Variants in WWP1 observed in about 807,000 individuals in gnomAD.
The protein encoded by WWP1 is WW domain containing E3 ubiquitin protein ligase 1.
Under a neutral mutation model 130.6 loss-of-function variants are expected in WWP1, and 49 were observed. That is an observed-to-expected ratio of 0.38 (90% confidence interval 0.30 to 0.48). The LOEUF (loss-of-function observed/expected upper bound fraction) is 0.48. Ranked by LOEUF, WWP1 falls within the 20% of genes least tolerant of loss-of-function variation. The pLI is 0.99. For synonymous variants in WWP1, 332 were observed against 367.8 expected (o/e 0.90, Z 1.11); for missense variants, 809 against 1,100.6 (o/e 0.74, Z 3.75).
Position 86,372,642 on chromosome 8 carries a change from T to C in WWP1, c.-21-1388T>C, listed in dbSNP as rs147753756. ...AGTAGGGGTCCAGTTTCATTTTTTT[T>C]CCATATGGATAATTCCAGGTTTCTT... is the stretch of plus-strand genomic sequence containing the variant. On this transcript the variant is annotated intron_variant, in intron 2 of 24. Coordinates refer to ENST00000517970, the MANE Select transcript of WWP1 (RefSeq NM_007013.4). Among the ~76,000 whole-genome samples, 488 of 152,332 alleles carry C rather than the reference T, an allele frequency of 3.2e-3. 4 individuals are homozygous for C. Among genetic ancestry groups the C allele is most frequent in the African/African-American group, 0.011 (465 of 41,568 alleles).
chr8:86,460,076 G>C (rs1811675133), intron 22 of WWP1, among the ~76,000 whole-genome samples: 1 of 152,116 alleles, frequency 6.6e-6, no homozygotes, highest in South Asian at 2.1e-4. Context: ...CTTGCTTTCT[G>C]TTATACTCAA....
At position 86,364,833 on chromosome 8, in the gene WWP1, A is replaced by AAGAGAG. The variant is rs1012959189; in HGVS notation, c.-114-4086_-114-4081dup. On this transcript the variant is annotated intron_variant, in intron 1 of 24. Coordinates refer to ENST00000517970, the MANE Select transcript of WWP1 (RefSeq NM_007013.4). ...AAAGAAAGAAAGAAAGAAAGAAAGA[A>AAGAGAG]AGAGAGAGAGAGAGAGAGAGAGAGA... is the stretch of plus-strand genomic sequence containing the variant. Among the ~76,000 whole-genome samples, 714 of 113,806 alleles carry AAGAGAG rather than the reference A, an allele frequency of 6.3e-3. 6 individuals are homozygous for AAGAGAG. Among genetic ancestry groups the AAGAGAG allele is most frequent in the African/African-American group, 0.018 (567 of 31,914 alleles). 74.7% of individuals were successfully genotyped at this position (113,806 alleles called of 152,430 possible). A position where few individuals can be genotyped will look rare whatever the true frequency, so the allele number is the denominator to read the frequency against.
In WWP1 at chr8:86,367,951, A is replaced by C. The variant is rs575761005; in HGVS notation, c.-114-988A>C. Among the ~76,000 whole-genome samples, 3 of 152,228 alleles carry C rather than the reference A, an allele frequency of 2.0e-5. No individual in the cohort carries two copies. The South Asian group carries it at 6.2e-4, about 32-fold the overall frequency. On this transcript the variant is annotated intron_variant, in intron 1 of 24. Coordinates refer to ENST00000517970, the MANE Select transcript of WWP1 (RefSeq NM_007013.4). ...ATTGTCTTCCATGGAAGTTAATACC[A>C]CTTACATAAACCGTGACTCCCAAAT...
At chr8:86,360,147 A>C (rs1421687431) in intron 1 of WWP1, among the ~76,000 whole-genome samples, 1 of 151,948 alleles carries the variant, frequency 6.6e-6, no homozygotes, top group Non-Finnish European at 1.5e-5. Flanking sequence ...CGTCTCAAAA[A>C]AAAAACAAAA....
chr8:86,441,628 G>GTTA (rs1554573342), intron 17 of WWP1, among the ~76,000 whole-genome samples: 3 of 152,012 alleles, frequency 2.0e-5, no homozygotes, highest in African/African-American at 7.3e-5. Flanking sequence ...AATCAGAGTT[G>GTTA]TTTCCCCTGT....
Position 86,342,706 on chromosome 8 carries a change from A to ACGGGGT in WWP1, c.-338_-333dup. 7 of 152,634 alleles carry ACGGGGT rather than the reference A, an allele frequency of 4.6e-5. No homozygotes were observed. The highest frequency in any genetic ancestry group is 7.3e-5 in the Non-Finnish European group (7 of 96,506). 9.5% of individuals were successfully genotyped at this position (152,634 alleles called of 1,614,324 possible). A position where few individuals can be genotyped will look rare whatever the true frequency, so the allele number is the denominator to read the frequency against. Reference sequence around the variant, plus strand: ...GGGGTCGGCTGGGGGTGGCGCGTGGACGGGGTGGGGGTGGGGGGAGGGTCG... The same window carrying ACGGGGT: ...GGGGTCGGCTGGGGGTGGCGCGTGGACGGGGTCGGGGTGGGGGTGGGGGGAGGGTCG... On this transcript the variant is annotated 5_prime_UTR_variant, in exon 1 of 25. Coordinates refer to ENST00000517970, the MANE Select transcript of WWP1 (RefSeq NM_007013.4).
intron 8 of WWP1, among the ~76,000 whole-genome samples, chr8:86,404,694 A>G (rs1808178017): frequency 6.6e-6 from 1 of 152,342 alleles, no homozygotes; most frequent in South Asian, 2.1e-4. Context: ...GTATATATCC[A>G]TTAACTGATT....
chr8:86,381,710 A>G, intron 5 of WWP1, 81 bp downstream of exon 5: 1 of 1,353,796 alleles, frequency 7.4e-7, no homozygotes, highest in East Asian at 2.7e-5. Context: ...TAAAAGCAAA[A>G]ACATAGTTTT....
At chr8:86,433,458 A>C (rs1810107417) in intron 14 of WWP1, among the ~76,000 whole-genome samples, 1 of 151,880 alleles carries the variant, frequency 6.6e-6, no homozygotes, top group Non-Finnish European at 1.5e-5. Flanking sequence ...ACACACCTAT[A>C]ATCCCAGCAC....
At chr8:86,418,034 C>G (rs1365486524) in intron 9 of WWP1, among the ~76,000 whole-genome samples, 1 of 152,002 alleles carries the variant, frequency 6.6e-6, no homozygotes, top group Non-Finnish European at 1.5e-5. Flanking sequence ...TAGAGAGCAG[C>G]TATATAAATT....
At chr8:86,451,236 A>AAAG (rs1811160222) in intron 20 of WWP1, among the ~76,000 whole-genome samples, 1 of 132,086 alleles carries the variant, frequency 7.6e-6, no homozygotes, top group Non-Finnish European at 1.6e-5. Flanking sequence ...AAAAAAAAAA[A>AAAG]AAAAAAAAAA....
intron 1 of WWP1, among the ~76,000 whole-genome samples, chr8:86,363,471 G>GT (rs977988739): frequency 2.6e-4 from 40 of 151,430 alleles, no homozygotes; most frequent in African/African-American, 4.8e-4. Flanking sequence ...CTTCCCATAA[G>GT]TTTTTTTTTA....
intron 1 of WWP1, among the ~76,000 whole-genome samples, chr8:86,347,551 A>G (rs1822656897): frequency 6.6e-6 from 1 of 152,194 alleles, no homozygotes; most frequent in African/African-American, 2.4e-5. Flanking sequence ...TAAACTTGTC[A>G]GTTTTTTCCT....
intron 1 of WWP1, among the ~76,000 whole-genome samples, chr8:86,352,082 C>T (rs1012793438): frequency 6.7e-6 from 1 of 149,690 alleles, no homozygotes; most frequent in Non-Finnish European, 1.5e-5. Context: ...TTCTGTCACC[C>T]AAGGCTAGAG....
intron 16 of WWP1, among the ~76,000 whole-genome samples, chr8:86,436,133 T>C (rs1037441655): frequency 3.3e-5 from 5 of 152,202 alleles, no homozygotes; most frequent in African/African-American, 7.2e-5. Flanking sequence ...ATAGCACTTA[T>C]TGTATCTCCA....
intron 17 of WWP1, 25 bp from the exon 18 acceptor site, chr8:86,442,594 A>G: frequency 6.4e-7 from 1 of 1,568,808 alleles, no homozygotes; most frequent in Non-Finnish European, 8.6e-7. Flanking sequence ...ATGCTAAAAA[A>G]TAACCTTGAC....
At chr8:86,459,892 C>T (rs1416408522) in intron 22 of WWP1, among the ~76,000 whole-genome samples, 1 of 152,170 alleles carries the variant, frequency 6.6e-6, no homozygotes, top group Non-Finnish European at 1.5e-5. Flanking sequence ...AGGTTTGTGC[C>T]AGACCTGGTA....
At chr8:86,448,020 G>A (rs932005890) in intron 18 of WWP1, 128 bp from the exon 19 acceptor site, 6 of 777,636 alleles carry the variant, frequency 7.7e-6, no homozygotes, top group Non-Finnish European at 9.8e-6. Context: ...TAGTTTTCAT[G>A]ATTTATGCCA....
At chr8:86,443,784 T>C (rs531922673) in intron 18 of WWP1, among the ~76,000 whole-genome samples, 25 of 152,288 alleles carry the variant, frequency 1.6e-4, no homozygotes, top group African/African-American at 6.0e-4. Flanking sequence ...CATGCAGATA[T>C]CTTGGAGACT....
Sources: gnomAD v4.1 joint callset for allele counts (sites outside exome capture counted in the v4.1 genomes callset) on GRCh38, gnomAD v4.1.1 for gene constraint, MANE v1.5 for transcripts, NCBI Gene and HGNC (gene_info 2026-07-23, HGNC 2026-07-21) for gene names.